Variants in MYH1 observed in about 807,000 individuals in gnomAD.
The protein encoded by MYH1 is myosin heavy chain 1.
A neutral mutation model predicts 225.6 loss-of-function variants in MYH1; 214 were observed. That is an observed-to-expected ratio of 0.95 (90% confidence interval 0.85 to 1.06). MYH1 has a LOEUF of 1.06. Ranked by LOEUF, MYH1 falls within the 50% of genes least tolerant of loss-of-function variation. The probability of loss-of-function intolerance (pLI) is 0.00; values close to 1 mark genes in which losing one functional copy is unlikely to be tolerated. For synonymous variants in MYH1, 774 were observed against 842.3 expected, an observed-to-expected ratio of 0.92 and a Z score of 1.40; for missense variants, 2,098 against 2,344.2, an observed-to-expected ratio of 0.89 and a Z score of 2.17.
chr17:10,496,184 G>A (rs748309488), intron 34 of MYH1, 31 bp from the exon 35 acceptor site: 1 of 1,614,168 alleles, frequency 6.2e-7, no homozygotes, highest in Admixed American at 1.7e-5. Context: ...GAGACACCAT[G>A]TATTCAGGGT....
chr17:10,513,734 G>A (rs368511752), intron 8 of MYH1, 45 bp from the exon 9 acceptor site: 19 of 1,612,144 alleles, frequency 1.2e-5, no homozygotes, highest in Non-Finnish European at 1.4e-5. Flanking sequence ...CTTGAAGTAC[G>A]TAGTGGGGAT....
In MYH1 at chr17:10,512,968, G is replaced by A. The variant is rs1453576559; in HGVS notation, c.806-3C>T. The A allele has an allele frequency of 1.3e-6, 2 of 1,595,794 alleles. No individual in the cohort carries two copies. ...AACTCTAGACTTCTCCAGAAGATCT[G>A]CAACGGATAGTAGACATCAGATTAT... On this transcript the variant is annotated splice_polypyrimidine_tract_variant and splice_region_variant and intron_variant, in intron 9 of 39. Coordinates refer to ENST00000226207, the MANE Select transcript of MYH1 (RefSeq NM_005963.4).
At chr17:10,512,024 A>G in intron 13 of MYH1, 36 bp from the exon 14 acceptor site, 1 of 1,614,138 alleles carries the variant, frequency 6.2e-7, no homozygotes, top group Non-Finnish European at 8.5e-7. Flanking sequence ...TATTAAAGAC[A>G]TGTCATGAAG....
intron 28 of MYH1, 29 bp downstream of exon 28, chr17:10,500,597 T>C (rs750051570): frequency 6.2e-7 from 1 of 1,611,548 alleles, no homozygotes; most frequent in Non-Finnish European, 8.5e-7. Context: ...GAATTTGTCA[T>C]TCAAGGTCAG....
At position 10,492,425 on chromosome 17, in the gene MYH1, A is replaced by T. The variant is rs745375501; in HGVS notation, c.5811T>A (p.Ser1937Arg). 6 of 1,613,580 alleles carry T rather than the reference A, an allele frequency of 3.7e-6. No homozygotes were observed. The African/African-American group carries it at 6.7e-5, about 18-fold the overall frequency. The stretch of plus-strand genomic sequence containing the variant: ...TCAGCAGTTAGATAAATTACTCTTC[A>T]CTTATGATTTTTGTGTGAACCTCCC... ...KSREVHTKII[S>R]EE Residue 1937 changes from serine (S) to arginine (R), a missense_variant, in exon 40 of 40, where the codon AGT becomes AGA. By Grantham distance (110) the Ser-to-Arg change is moderately radical (BLOSUM62 -1). Transcript: ENST00000226207.
intron 35 of MYH1, 130 bp from the exon 36 acceptor site, chr17:10,495,447 C>A: frequency 7.7e-7 from 1 of 1,298,182 alleles, no homozygotes; most frequent in Non-Finnish European, 1.1e-6. Context: ...CATAAATTAT[C>A]TGAGTTGACA....
At chr17:10,499,171 G>C (rs1357954753) in intron 28 of MYH1, 79 bp from the exon 29 acceptor site, 1 of 1,298,078 alleles carries the variant, frequency 7.7e-7, no homozygotes, top group Non-Finnish European at 1.1e-6. Flanking sequence ...GCAGGGAAAG[G>C]GAGCCAAGTT....
rs1298654536 is a variant in MYH1 at position 10,501,319 on chromosome 17, T to C, written c.3529A>G (p.Lys1177Glu). 1 of 1,614,196 alleles carries C rather than the reference T, an allele frequency of 6.2e-7. No homozygotes were observed. The highest frequency in any genetic ancestry group is 2.2e-5 in the East Asian group (1 of 44,872). Residue 1177 changes from lysine (K) to glutamate (E), a missense_variant, in exon 27 of 40, where the codon AAA (lysine) becomes GAA (glutamate). Coordinates refer to ENST00000226207, the MANE Select transcript of MYH1 (RefSeq NM_005963.4). ...GCCTCCTCCAGGTCCCTGCGCATTTTCTGGAACTCAGCCTCCCGCTTCTTG... is the reference window on the plus strand; with the variant it reads ...GCCTCCTCCAGGTCCCTGCGCATTTCCTGGAACTCAGCCTCCCGCTTCTTG... ...MNKKREAEFQ[K>E]MRRDLEEATL...
chr17:10,505,270 G>C lies in MYH1; in HGVS notation c.2328C>G (p.Leu776=). 1 of 1,614,152 alleles carries C rather than the reference G, an allele frequency of 6.2e-7. No homozygotes were observed. Among genetic ancestry groups the C allele is most frequent in the Admixed American group, 1.7e-5 (1 of 60,020 alleles). ...GCTTCTCATCTCGCATCTCCTCTAG[G>C]AGCCCCAGAAGACCAGCTTTGAAAA... ...KVFFKAGLLG[L]LEEMRDEKLA... The change falls in exon 21 of 40, where the codon CTC becomes CTG. Residue 776 remains leucine (L), a synonymous_variant. Transcript: ENST00000226207.
rs1382816426 is a variant in MYH1, at chr17:10,516,477, C to T, written c.166G>A (p.Glu56Lys). 1 of 1,614,106 alleles carries T rather than the reference C, an allele frequency of 6.2e-7. No individual in the cohort carries two copies. The highest frequency in any genetic ancestry group is 8.5e-7 in the Non-Finnish European group (1 of 1,180,052). Reference protein sequence around the residue: ...SFVKATVQSREGGKVTAKTEA... With the variant: ...SFVKATVQSRKGGKVTAKTEA... The stretch of plus-strand genomic sequence containing the variant: ...GTCTTAGCTGTCACCTTCCCCCCTT[C>T]CCTGCTCTGCACTGTTGCTTTCACA... The change falls in exon 3 of 40, where the codon GAA becomes AAA. Residue 56 changes from glutamate (E) to lysine (K), a missense_variant. By Grantham distance (56) the Glu-to-Lys change is moderately conservative (BLOSUM62 1). Coordinates refer to ENST00000226207, the MANE Select transcript of MYH1 (RefSeq NM_005963.4).
rs2073105893 is a variant in MYH1 at position 10,505,843 on chromosome 17, T to C, written c.2143A>G (p.Ser715Gly). The C allele has an allele frequency of 1.9e-6, 3 of 1,614,070 alleles. No homozygotes were observed. The highest frequency in any genetic ancestry group is 2.2e-5 in the East Asian group (1 of 44,884). ...GIRICRKGFP[S>G]RILYADFKQR... The stretch of plus-strand genomic sequence containing the variant: ...TTGAAGTCTGCATAAAGGATTCTGC[T>C]TGGGAAGCCTTTCCTGCAGATGCGG... The change falls in exon 19 of 40, where the codon AGC (serine) becomes GGC (glycine). Residue 715 changes from serine to glycine, a missense_variant. Physicochemically the swap from Ser to Gly is moderately conservative, Grantham distance 56. Coordinates refer to ENST00000226207, the MANE Select transcript of MYH1 (RefSeq NM_005963.4).
At chr17:10,502,301 C>A (rs1238691419) in intron 24 of MYH1, among the ~76,000 whole-genome samples, 2 of 152,180 alleles carry the variant, frequency 1.3e-5, no homozygotes, top group African/African-American at 4.8e-5. Context: ...CCAAATTTAT[C>A]TTCCACATTC....
In MYH1 at chr17:10,516,298, G is replaced by T. The variant is rs376453620; in HGVS notation, c.249C>A (p.Pro83=). The stretch of plus-strand genomic sequence containing the variant: ...CCATGTCCTCGATCTTGTCATATTT[G>T]GGAGGGTTCATGGGGAAGACTTGGT... The part of the protein sequence containing the change: ...KDDQVFPMNP[P]KYDKIEDMAM... Residue 83 remains proline (P), a synonymous_variant, in exon 4 of 40, where the codon CCC becomes CCA. Transcript: ENST00000226207. 3.2e-5 allele frequency: 51 copies of T among 1,614,062 alleles called. No individual in the cohort carries two copies. Among genetic ancestry groups the T allele is most frequent in the Non-Finnish European group, 4.0e-5 (47 of 1,180,044 alleles).
chr17:10,497,376 A>C lies in MYH1; in HGVS notation c.4442T>G (p.Leu1481Arg). The change falls in exon 32 of 40, where the codon CTC becomes CGC. Residue 1481 changes from leucine to arginine, a missense_variant. Physicochemically the swap from Leu to Arg is moderately radical, Grantham distance 102. Transcript: ENST00000226207. ...CTTAATCTTAAATAGTTCTGTGCTG[A>C]GTGAGCGGGATTCCTTTTGAGAAGC... is the stretch of plus-strand genomic sequence containing the variant. ...LEASQKESRS[L>R]STELFKIKNA... is the part of the protein sequence containing the mutation. 1 of 1,613,838 alleles carries C rather than the reference A, an allele frequency of 6.2e-7. No individual in the cohort carries two copies. The highest frequency in any genetic ancestry group is 8.5e-7 in the Non-Finnish European group (1 of 1,179,950).
At chr17:10,513,567 G>A (rs2073193442) in intron 9 of MYH1, 59 bp downstream of exon 9, 1 of 1,515,782 alleles carries the variant, frequency 6.6e-7, no homozygotes, top group South Asian at 1.1e-5. Context: ...GCTGCAAAGT[G>A]TTCCTCCAAA....
In MYH1 at chr17:10,500,968, CTACTT is replaced by C. The variant is rs2073047783; in HGVS notation, c.3738+137_3738+141del. On this transcript the variant is annotated intron_variant, in intron 27 of 39. Transcript: ENST00000226207. ...GCCACTGAATTACTTGTTAATCTAA[CTACTT>C]TACTAAGTTGTACTATACGTGATAT... The C allele has an allele frequency of 5.7e-6, 8 of 1,399,716 alleles. No individual in the cohort carries two copies. The South Asian group carries it at 8.5e-5, about 15-fold the overall frequency. 86.7% of individuals were successfully genotyped at this position (1,399,716 alleles called of 1,614,324 possible).
intron 22 of MYH1, 95 bp from the exon 23 acceptor site, chr17:10,503,343 T>C: frequency 6.6e-7 from 1 of 1,509,656 alleles, no homozygotes; most frequent in Non-Finnish European, 8.9e-7. Context: ...TAAATTGTTT[T>C]AAGCCTTCAG....
In MYH1 at chr17:10,503,788, C is replaced by A. The variant is rs940563858; in HGVS notation, c.2692-540G>T. On this transcript the variant is annotated intron_variant, in intron 22 of 39. Coordinates refer to ENST00000226207, the MANE Select transcript of MYH1 (RefSeq NM_005963.4). ...CCATGTCTCTCATTCAAACTTACAT[C>A]CCTGTCCGGGACTTCACCCAATATT... 9.8e-5 allele frequency among the ~76,000 whole-genome samples: 15 copies of A among 152,302 alleles called. No homozygotes were observed. The East Asian group carries it at 1.7e-3, about 18-fold the overall frequency.
chr17:10,508,106 C>T, intron 16 of MYH1, 150 bp from the exon 17 acceptor site: 1 of 726,460 alleles, frequency 1.4e-6, no homozygotes, highest in Non-Finnish European at 2.3e-6. Flanking sequence ...GCAACCTCCA[C>T]CTCCTGGGTT....
Sources: gnomAD v4.1 joint callset for allele counts (sites outside exome capture counted in the v4.1 genomes callset) on GRCh38, gnomAD v4.1.1 for gene constraint, MANE v1.5 for transcripts, NCBI Gene and HGNC (gene_info 2026-07-23, HGNC 2026-07-21) for gene names.